THSD7A: variants seen among roughly 807,000 people sequenced by gnomAD.
The protein encoded by THSD7A is thrombospondin type-1 domain-containing protein 7A.
THSD7A carries 96 observed loss-of-function variants against 231.3 expected under a neutral mutation model. That is an observed-to-expected ratio of 0.41 (90% CI 0.35 to 0.49). The LOEUF (loss-of-function observed/expected upper bound fraction) is 0.49. THSD7A is among the 20% of genes least tolerant of loss of function. THSD7A has a pLI of 0.05. For missense variants in THSD7A, 2,290 were observed against 2,070.2 expected (o/e 1.11, Z -2.06); for synonymous variants, 940 against 743.3 (o/e 1.26, Z -4.30).
At chr7:11,721,860 T>C (rs1241588883) in intron 1 of THSD7A, among the ~76,000 whole-genome samples, 1 of 151,864 alleles carries the variant, frequency 6.6e-6, no homozygotes, top group Non-Finnish European at 1.5e-5. Context: ...CAGCCCCACT[T>C]ATATCTCTAC....
intron 2 of THSD7A, among the ~76,000 whole-genome samples, chr7:11,610,470 G>A (rs1262202595): frequency 6.6e-6 from 1 of 152,086 alleles, no homozygotes; most frequent in Non-Finnish European, 1.5e-5. Context: ...GAGAGAAGCA[G>A]CTTACAGTTG....
chr7:11,745,251 A>G (rs4506090), intron 1 of THSD7A, among the ~76,000 whole-genome samples: 36,686 of 151,504 alleles, frequency 0.24, 6,893 homozygotes, highest in African/African-American at 0.53. Flanking sequence ...CTTCTGAGAA[A>G]TGTCTGTTCA....
At chr7:11,567,213 C>T (rs1413378039) in intron 4 of THSD7A, among the ~76,000 whole-genome samples, 1 of 151,906 alleles carries the variant, frequency 6.6e-6, no homozygotes, top group Non-Finnish European at 1.5e-5. Context: ...GCTGTGGAGG[C>T]CTCTGGAAAC....
intron 4 of THSD7A, among the ~76,000 whole-genome samples, chr7:11,587,799 C>G (rs1421563305): frequency 6.6e-6 from 1 of 152,134 alleles, no homozygotes; most frequent in African/African-American, 2.4e-5. Context: ...CCCTGTGTAA[C>G]ACAATGCACC....
chr7:11,579,703 G>A (rs1054259670), intron 4 of THSD7A, among the ~76,000 whole-genome samples: 1 of 152,072 alleles, frequency 6.6e-6, no homozygotes, highest in African/African-American at 2.4e-5. Flanking sequence ...TAGAGCTCAG[G>A]GATCTAAAAC....
At chr7:11,650,058 C>G (rs1432783144) in intron 1 of THSD7A, among the ~76,000 whole-genome samples, 1 of 152,024 alleles carries the variant, frequency 6.6e-6, no homozygotes, top group Non-Finnish European at 1.5e-5. Flanking sequence ...ATATTTCTTA[C>G]CAATGAGAAT....
rs1784892619 is a variant in THSD7A at position 11,444,260 on chromosome 7, G to C, written c.3064+1801C>G. Among the ~76,000 whole-genome samples, 1 of 152,056 alleles carries C rather than the reference G, an allele frequency of 6.6e-6. No individual in the cohort carries two copies. The highest frequency in any genetic ancestry group is 1.5e-5 in the Non-Finnish European group (1 of 68,006). On this transcript the variant is annotated intron_variant, in intron 13 of 27. Coordinates refer to ENST00000423059, the MANE Select transcript of THSD7A (RefSeq NM_015204.3). The surrounding 1 kb of genome is among the most constrained non-coding windows in gnomAD (Gnocchi z 4.2). ...AGTGTGGCGATTCCTCAAGGATCTA[G>C]AACCAGAAATACCATTTGACCCAGC...
Position 11,636,119 on chromosome 7 carries a change from T to TA in THSD7A, c.1022+10dup. The TA allele has an allele frequency of 6.2e-7, 1 of 1,601,078 alleles. No homozygotes were observed. The highest frequency in any genetic ancestry group is 8.5e-7 in the Non-Finnish European group (1 of 1,173,084). ...ACAAGCCTGTGTAGTTAACAGTAAT[T>TA]AAAATGTTACCTTAAATCAGCAGCT... On this transcript the variant is annotated intron_variant, in intron 2 of 27. Coordinates refer to ENST00000423059, the MANE Select transcript of THSD7A (RefSeq NM_015204.3). This position sits in a 1 kb window ranked among gnomAD's most constrained non-coding sequence, Gnocchi z 10.0.
At chr7:11,819,700 G>T (rs923768253) in intron 1 of THSD7A, among the ~76,000 whole-genome samples, 1 of 152,234 alleles carries the variant, frequency 6.6e-6, no homozygotes, top group African/African-American at 2.4e-5. Context: ...GGAATTTTCC[G>T]GGTAGTAAAC....
intron 4 of THSD7A, among the ~76,000 whole-genome samples, chr7:11,545,388 A>T (rs565665254): frequency 2.3e-4 from 35 of 152,254 alleles, no homozygotes; most frequent in Middle Eastern, 3.4e-3. Flanking sequence ...ATAAAGTTGA[A>T]AACTTTAGGA....
At chr7:11,659,528 T>C (rs959140878) in intron 1 of THSD7A, among the ~76,000 whole-genome samples, 1 of 151,374 alleles carries the variant, frequency 6.6e-6, no homozygotes, top group Admixed American at 6.6e-5. Flanking sequence ...CTCAGATAGA[T>C]CTCTTCCCTA....
chr7:11,418,970 C>T (rs1376228429), intron 16 of THSD7A, among the ~76,000 whole-genome samples: 1 of 151,722 alleles, frequency 6.6e-6, no homozygotes, highest in East Asian at 1.9e-4. Flanking sequence ...AAATTTCTAC[C>T]TTCAATATCA....
chr7:11,568,339 T>G (rs1790454923), intron 4 of THSD7A, among the ~76,000 whole-genome samples: 1 of 152,004 alleles, frequency 6.6e-6, no homozygotes, highest in Admixed American at 6.6e-5. Flanking sequence ...AAATATCACT[T>G]AAAATGGAAT....
At chr7:11,575,333 G>A (rs1309672103) in intron 4 of THSD7A, among the ~76,000 whole-genome samples, 1 of 152,024 alleles carries the variant, frequency 6.6e-6, no homozygotes, top group African/African-American at 2.4e-5. Flanking sequence ...TTTTGCTATG[G>A]GTTACAAGCC....
chr7:11,484,230 A>G (rs1400027107), intron 6 of THSD7A, among the ~76,000 whole-genome samples: 2 of 151,952 alleles, frequency 1.3e-5, no homozygotes, highest in South Asian at 2.1e-4. Context: ...TCCAGGTATG[A>G]TCTTGTCCCT....
chr7:11,533,510 A>C (rs1370330982), intron 6 of THSD7A, among the ~76,000 whole-genome samples: 1 of 152,208 alleles, frequency 6.6e-6, no homozygotes, highest in African/African-American at 2.4e-5. Context: ...CATCAAAGAT[A>C]GATTGGATAA....
intron 1 of THSD7A, among the ~76,000 whole-genome samples, chr7:11,708,932 A>G (rs978836643): frequency 6.6e-6 from 1 of 150,820 alleles, no homozygotes; most frequent in African/African-American, 2.4e-5. Context: ...TATAATACAC[A>G]TTATAGCACT....
At chr7:11,427,842 T>C (rs941098051) in intron 14 of THSD7A, among the ~76,000 whole-genome samples, 1 of 152,194 alleles carries the variant, frequency 6.6e-6, no homozygotes, top group African/African-American at 2.4e-5. Flanking sequence ...CTCTGTGACA[T>C]GGAAGCTAAA....
intron 1 of THSD7A, among the ~76,000 whole-genome samples, chr7:11,729,768 CAGTT>C (rs1348533148): frequency 6.6e-6 from 1 of 151,642 alleles, no homozygotes; most frequent in Non-Finnish European, 1.5e-5. Context: ...ACTGGAAACA[CAGTT>C]AATCTGTTTT....
Sources: gnomAD v4.1 joint callset for allele counts (sites outside exome capture counted in the v4.1 genomes callset) on GRCh38, gnomAD v4.1.1 for gene constraint, Gnocchi (gnomAD v3.1) non-coding constraint, MANE v1.5 for transcripts, NCBI Gene and HGNC (gene_info 2026-07-23, HGNC 2026-07-21) for gene names.